Variants in RANBP2 observed in about 807,000 individuals in gnomAD.
RANBP2 encodes RAN binding protein 2, also known as E3 SUMO-protein ligase RanBP2.
In RANBP2, 57 loss-of-function variants were observed where a neutral mutation model predicts 303.6. The ratio of observed to expected loss-of-function variants is 0.19; its 90% CI spans 0.15 to 0.23. The LOEUF (loss-of-function observed/expected upper bound fraction) is 0.23, where lower values mean the gene tolerates loss of function less well. Ranked by LOEUF, RANBP2 falls within the 10% of genes least tolerant of loss-of-function variation. RANBP2 has a pLI of 1.00. For missense variants in RANBP2, 3,138 were observed against 3,780.8 expected (o/e 0.83, Z 4.46); for synonymous variants, 1,167 against 1,301.5 (o/e 0.90, Z 2.23).
the RANBP2 span, chr2:109,594,795 A>G: frequency 6.6e-6 from 1 of 152,246 alleles, no homozygotes; most frequent in Non-Finnish European, 1.5e-5. Context: ...AATAGTGTAC[A>G]TCGTGACTAA....
chr2:108,884,086 T>C, the RANBP2 span: 1 of 152,374 alleles, frequency 6.6e-6, no homozygotes, highest in Non-Finnish European at 1.5e-5. Context: ...AAAATATTTG[T>C]AGAGATGGGG....
the RANBP2 span, among the ~76,000 whole-genome samples, chr2:109,392,671 A>G: frequency 6.6e-6 from 1 of 151,820 alleles, no homozygotes; most frequent in Admixed American, 6.6e-5. Flanking sequence ...GGCGCCTGCC[A>G]CCACGCCCGG....
chr2:108,976,312 C>T, the RANBP2 span, among the ~76,000 whole-genome samples: 5 of 152,126 alleles, frequency 3.3e-5, no homozygotes, highest in African/African-American at 9.7e-5. Flanking sequence ...ATGTTTTTCT[C>T]GTGACAGACT....
chr2:109,202,057 G>A, the RANBP2 span, among the ~76,000 whole-genome samples: 6 of 152,264 alleles, frequency 3.9e-5, no homozygotes, highest in Non-Finnish European at 7.4e-5. Flanking sequence ...GCTGGGTCTC[G>A]TGACAGCACA....
At chr2:109,026,139 A>T in the RANBP2 span, among the ~76,000 whole-genome samples, 2 of 151,986 alleles carry the variant, frequency 1.3e-5, no homozygotes, top group Non-Finnish European at 2.9e-5. Flanking sequence ...TATATTTAAA[A>T]TTTTAATTTT....
At chr2:109,002,053 A>G in the RANBP2 span, among the ~76,000 whole-genome samples, 6 of 152,290 alleles carry the variant, frequency 3.9e-5, no homozygotes, top group South Asian at 1.2e-3. Context: ...AACGGAGCCC[A>G]AAAAGCTATT....
At chr2:109,129,538 C>T in the RANBP2 span, 6 of 1,497,314 alleles carry the variant, frequency 4.0e-6, no homozygotes, top group Admixed American at 2.1e-5. Flanking sequence ...GGGCGCCTCC[C>T]CCATGCTGCT....
chr2:108,878,719 A>G, the RANBP2 span, among the ~76,000 whole-genome samples: 1 of 152,340 alleles, frequency 6.6e-6, no homozygotes, highest in South Asian at 2.1e-4. Flanking sequence ...GGGTAAGTCT[A>G]TCTTAGCCTT....
chr2:108,936,084 C>A, the RANBP2 span, among the ~76,000 whole-genome samples: 5 of 152,236 alleles, frequency 3.3e-5, no homozygotes, highest in African/African-American at 1.2e-4. Flanking sequence ...GGCAGATGGT[C>A]CAGCCTCCGG....
chr2:109,068,171 A>G, the RANBP2 span, among the ~76,000 whole-genome samples: 38 of 152,056 alleles, frequency 2.5e-4, no homozygotes, highest in Admixed American at 6.5e-4. Context: ...CCTCTGACAC[A>G]CCATGTCGTT....
chr2:108,990,405 T>C, the RANBP2 span, among the ~76,000 whole-genome samples: 2 of 135,152 alleles, frequency 1.5e-5, no homozygotes, highest in Non-Finnish European at 3.0e-5. Flanking sequence ...CAGTCCGCAG[T>C]CCGGCCTGGG....
chr2:109,515,793 G>A, the RANBP2 span, among the ~76,000 whole-genome samples: 1 of 152,126 alleles, frequency 6.6e-6, no homozygotes, highest in Non-Finnish European at 1.5e-5. Context: ...GGAGCAGGAG[G>A]GGTAGGGGCC....
the RANBP2 span, among the ~76,000 whole-genome samples, chr2:109,689,540 A>G: frequency 4.6e-5 from 7 of 151,272 alleles, no homozygotes; most frequent in Admixed American, 2.6e-4. Flanking sequence ...TCAGCAGGCA[A>G]CAATTCCTGG....
the RANBP2 span, among the ~76,000 whole-genome samples, chr2:108,870,744 A>G: frequency 2.6e-5 from 4 of 152,238 alleles, no homozygotes; most frequent in South Asian, 4.1e-4. Flanking sequence ...TATATCTTCT[A>G]TGATTCCTCT....
chr2:109,693,022 C>T, the RANBP2 span, among the ~76,000 whole-genome samples: 1 of 151,960 alleles, frequency 6.6e-6, no homozygotes, highest in African/African-American at 2.4e-5. Context: ...AATTCAGGCA[C>T]AGCTTACCAG....
At chr2:109,544,141 T>C in the RANBP2 span, 1 of 1,543,068 alleles carries the variant, frequency 6.5e-7, no homozygotes, top group East Asian at 2.4e-5. Context: ...CTGGCTTATG[T>C]ATTGACCTTG....
At chr2:109,182,980 TCTC>T in the RANBP2 span, among the ~76,000 whole-genome samples, 36 of 152,340 alleles carry the variant, frequency 2.4e-4, no homozygotes, top group African/African-American at 8.7e-4. Context: ...CCATTTTGGG[TCTC>T]CTAACAGGTT....
At chr2:109,275,308 G>A in the RANBP2 span, among the ~76,000 whole-genome samples, 1 of 152,118 alleles carries the variant, frequency 6.6e-6, no homozygotes, top group Non-Finnish European at 1.5e-5. Flanking sequence ...GGCACACCAG[G>A]GGAAATCAGA....
At chr2:108,832,111 C>A in the RANBP2 span, among the ~76,000 whole-genome samples, 93 of 151,956 alleles carry the variant, frequency 6.1e-4, no homozygotes, top group African/African-American at 2.1e-3. Flanking sequence ...CTCCCTTCAA[C>A]CTCCGCCTCC....
Sources: allele counts gnomAD v4.1 joint callset (sites outside exome capture counted in the v4.1 genomes callset), GRCh38; gene constraint gnomAD v4.1.1; transcripts MANE v1.5; gene names NCBI Gene and HGNC (gene_info 2026-07-23, HGNC 2026-07-21).